PCDH15: variants seen among roughly 807,000 people sequenced by gnomAD.
PCDH15 encodes the protein protocadherin-15.
A neutral mutation model predicts 178.5 loss-of-function variants in PCDH15; 129 were observed. The observed-to-expected ratio is 0.72, with a 90% confidence interval of 0.63 to 0.84. PCDH15 has a LOEUF of 0.84. Among genes scored for constraint, PCDH15 ranks in the 40% least tolerant of loss-of-function variants. The pLI, the probability that PCDH15 is intolerant of heterozygous loss-of-function variation, is 0.00. For synonymous variants in PCDH15, 800 were observed against 732.0 expected (o/e 1.09, Z -1.50); for missense variants, 2,230 against 2,099.9 (o/e 1.06, Z -1.21).
Position 54,233,984 on chromosome 10 carries a change from T to C in PCDH15, c.985+2839A>G, listed in dbSNP as rs148312340. Among the ~76,000 whole-genome samples, 594 of 152,258 alleles carry C rather than the reference T, an allele frequency of 3.9e-3. 2 individuals are homozygous for C. The highest frequency in any genetic ancestry group is 0.013 in the African/African-American group (560 of 41,550). On this transcript the variant is annotated intron_variant, in intron 9 of 37. Transcript: ENST00000644397. The stretch of plus-strand genomic sequence containing the variant: ...ACATATAGTAAACAGAGACTGTCTA[T>C]AACAAATGGAAGCAGGAGAGGAGTC...
chr10:55,007,890 C>T (rs1047210911), intron 2 of PCDH15, among the ~76,000 whole-genome samples: 1 of 152,028 alleles, frequency 6.6e-6, no homozygotes, highest in African/African-American at 2.4e-5. Flanking sequence ...AAACTAAATA[C>T]AAAAACCTGC....
intron 2 of PCDH15, among the ~76,000 whole-genome samples, chr10:54,551,269 G>A (rs2086575169): frequency 6.6e-6 from 1 of 151,816 alleles, no homozygotes; most frequent in African/African-American, 2.4e-5. Context: ...CAGTGGGAGT[G>A]GGGACAAATT....
chr10:54,244,279 A>G (rs987640909), intron 8 of PCDH15, among the ~76,000 whole-genome samples: 1 of 152,156 alleles, frequency 6.6e-6, no homozygotes, highest in East Asian at 1.9e-4. Flanking sequence ...ATATTTGAAT[A>G]CTTTTACTGA....
intron 3 of PCDH15, among the ~76,000 whole-genome samples, chr10:54,882,461 T>C (rs1268951889): frequency 1.3e-5 from 2 of 152,018 alleles, no homozygotes; most frequent in Non-Finnish European, 2.9e-5. Context: ...TAAAAACAGA[T>C]GCAAAACCTA....
intron 3 of PCDH15, among the ~76,000 whole-genome samples, chr10:54,474,589 G>A (rs10825335): frequency 0.12 from 17,665 of 151,972 alleles, 1,154 homozygotes; most frequent in East Asian, 0.28. Context: ...TAAATAGACA[G>A]AGATCTAAGT....
At position 53,931,545 on chromosome 10, in the gene PCDH15, A is replaced by C. The variant is rs138630288; in HGVS notation, c.3373+7270T>G. On this transcript the variant is annotated intron_variant, in intron 25 of 37. Transcript: ENST00000644397. ...CGCAGACTAAATCCATTTTAACAATATCCACTAAATTCTGTTCTACAGTCT... is the reference window on the plus strand; with the variant it reads ...CGCAGACTAAATCCATTTTAACAATCTCCACTAAATTCTGTTCTACAGTCT... Among the ~76,000 whole-genome samples, 1,327 of 152,302 alleles carry C rather than the reference A, an allele frequency of 8.7e-3. 19 individuals carry two copies. The highest frequency in any genetic ancestry group is 0.028 in the African/African-American group (1,158 of 41,564).
intron 1 of PCDH15, among the ~76,000 whole-genome samples, chr10:55,233,744 A>T (rs1271495145): frequency 6.6e-6 from 1 of 152,130 alleles, no homozygotes; most frequent in African/African-American, 2.4e-5. Context: ...TGAGCAATTC[A>T]CCAGATGTAA....
chr10:55,503,459 CTTTAT>C (rs1483961188), intron 2 of PCDH15, among the ~76,000 whole-genome samples: 1 of 149,566 alleles, frequency 6.7e-6, no homozygotes, highest in Admixed American at 6.7e-5. Context: ...GTGATGGAAT[CTTTAT>C]TTATTTTATG....
intron 1 of PCDH15, among the ~76,000 whole-genome samples, chr10:55,234,460 G>A (rs904774888): frequency 4.0e-5 from 6 of 151,608 alleles, no homozygotes; most frequent in Non-Finnish European, 8.8e-5. Flanking sequence ...GCTGGAGTGA[G>A]TGGCACAATC....
At chr10:54,806,627 G>C (rs1014285515) in intron 3 of PCDH15, among the ~76,000 whole-genome samples, 1 of 151,142 alleles carries the variant, frequency 6.6e-6, no homozygotes, top group Non-Finnish European at 1.5e-5. Context: ...GGGATTACAG[G>C]CACCCGCCAC....
intron 2 of PCDH15, among the ~76,000 whole-genome samples, chr10:54,634,183 T>G (rs2093781750): frequency 6.7e-6 from 1 of 148,626 alleles, no homozygotes; most frequent in Admixed American, 6.7e-5. Context: ...AATTATAAAA[T>G]CTTGCACTGC....
intron 3 of PCDH15, among the ~76,000 whole-genome samples, chr10:54,397,004 C>T (rs1951315551): frequency 6.6e-6 from 1 of 152,000 alleles, no homozygotes; most frequent in South Asian, 2.1e-4. Context: ...AATATTGTGT[C>T]GAACTATGAA....
chr10:55,060,069 C>T (rs531536637), intron 2 of PCDH15, among the ~76,000 whole-genome samples: 4 of 152,006 alleles, frequency 2.6e-5, no homozygotes, highest in South Asian at 2.1e-4. Flanking sequence ...GATTGTATCA[C>T]CATAGAGTTC....
intron 3 of PCDH15, among the ~76,000 whole-genome samples, chr10:54,524,978 G>A (rs971763515): frequency 3.9e-5 from 6 of 152,172 alleles, no homozygotes; most frequent in African/African-American, 1.4e-4. Context: ...ATCTCTGCCT[G>A]TTAAATTCAT....
chr10:55,625,676 G>T (rs1363749305), intron 2 of PCDH15, among the ~76,000 whole-genome samples: 4 of 152,126 alleles, frequency 2.6e-5, no homozygotes, highest in African/African-American at 9.7e-5. Context: ...TCTTTTCAAA[G>T]CATTTACCAA....
intron 23 of PCDH15, among the ~76,000 whole-genome samples, chr10:53,942,608 A>G (rs1041690808): frequency 6.6e-6 from 1 of 152,206 alleles, no homozygotes; most frequent in Non-Finnish European, 1.5e-5. Context: ...GTGGCAAGAA[A>G]CTCAAGGTGA....
intron 2 of PCDH15, among the ~76,000 whole-genome samples, chr10:54,954,605 G>T (rs1409798467): frequency 6.6e-6 from 1 of 151,152 alleles, no homozygotes; most frequent in Non-Finnish European, 1.5e-5. Context: ...CTTAAAGTCT[G>T]ATTTACAAGT....
In PCDH15 at chr10:54,317,276, T is replaced by C; in HGVS notation, c.871A>G (p.Thr291Ala). Residue 291 changes from threonine (T) to alanine (A), a missense_variant, in exon 8 of 38, where the codon ACT becomes GCT. Transcript: ENST00000644397. The part of the protein sequence containing the change: ...TYQAAIPELR[T>A]PEELNPIIVT... ...AAAGATAAGAGTATATTTACCGGAG[T>C]TCTCAACTCAGGTATGGCAGCTTGA... 1.9e-6 allele frequency: 3 copies of C among 1,613,120 alleles called. No homozygotes were observed. Among genetic ancestry groups the C allele is most frequent in the Non-Finnish European group, 2.5e-6 (3 of 1,179,450 alleles).
chr10:55,089,324 A>C (rs1330284174), intron 2 of PCDH15, among the ~76,000 whole-genome samples: 1 of 152,152 alleles, frequency 6.6e-6, no homozygotes, highest in East Asian at 1.9e-4. Flanking sequence ...CCTTGTTATC[A>C]TCTTGCAATA....
Sources: allele counts gnomAD v4.1 joint callset (sites outside exome capture counted in the v4.1 genomes callset), GRCh38; gene constraint gnomAD v4.1.1; transcripts MANE v1.5; gene names NCBI Gene and HGNC (gene_info 2026-07-23, HGNC 2026-07-21).